Variants in PRORP observed in about 807,000 individuals in gnomAD.
PRORP encodes mitochondrial ribonuclease P catalytic subunit.
In PRORP, 51 loss-of-function variants were observed where a neutral mutation model predicts 59.4. That is an observed-to-expected ratio of 0.86 (90% CI 0.69 to 1.08). PRORP has a LOEUF of 1.08. Ranked by LOEUF, PRORP falls within the 50% of genes least tolerant of loss-of-function variation. The probability of loss-of-function intolerance (pLI) is 0.00; values close to 1 mark genes in which losing one functional copy is unlikely to be tolerated. For missense variants in PRORP, 646 were observed against 690.3 expected (o/e 0.94, Z 0.72); for synonymous variants, 231 against 245.6 (o/e 0.94, Z 0.55).
At chr14:35,229,800 T>C (rs771625256) in intron 5 of PRORP, among the ~76,000 whole-genome samples, 4 of 152,182 alleles carry the variant, frequency 2.6e-5, no homozygotes, top group Non-Finnish European at 5.9e-5. Context: ...TCACTGGATT[T>C]TTTTCAAACA....
intron 5 of PRORP, among the ~76,000 whole-genome samples, chr14:35,211,867 A>T (rs2049456545): frequency 6.6e-6 from 1 of 152,162 alleles, no homozygotes; most frequent in South Asian, 2.1e-4. Flanking sequence ...CTTTCACAAA[A>T]GATTTCTCTG....
intron 5 of PRORP, among the ~76,000 whole-genome samples, chr14:35,245,288 A>G (rs994332812): frequency 6.6e-6 from 1 of 152,102 alleles, no homozygotes; most frequent in Non-Finnish European, 1.5e-5. Flanking sequence ...GAGTATGGAA[A>G]CTCTAGACTA....
intron 5 of PRORP, among the ~76,000 whole-genome samples, chr14:35,260,641 CTAGATTGCA>C (rs2050879437): frequency 6.6e-6 from 1 of 152,356 alleles, no homozygotes; most frequent in Non-Finnish European, 1.5e-5. Context: ...TAACAGCCAT[CTAGATTGCA>C]TAGCAACAGT....
intron 5 of PRORP, among the ~76,000 whole-genome samples, chr14:35,210,996 C>T (rs1206484143): frequency 2.0e-5 from 3 of 151,982 alleles, no homozygotes; most frequent in African/African-American, 7.2e-5. Context: ...TGGTCTTAAA[C>T]TGCTGGGCTC....
At chr14:35,212,889 T>G (rs1169614427) in intron 5 of PRORP, among the ~76,000 whole-genome samples, 1 of 152,240 alleles carries the variant, frequency 6.6e-6, no homozygotes, top group African/African-American at 2.4e-5. Flanking sequence ...GAAGGCTTTT[T>G]TGTCTCCATT....
intron 4 of PRORP, among the ~76,000 whole-genome samples, chr14:35,164,795 C>T (rs2048143068): frequency 6.6e-6 from 1 of 152,098 alleles, no homozygotes; most frequent in South Asian, 2.1e-4. Flanking sequence ...AAAAATCCTT[C>T]ATTAGACATA....
intron 4 of PRORP, among the ~76,000 whole-genome samples, chr14:35,168,119 C>G (rs2048230542): frequency 1.3e-5 from 2 of 152,138 alleles, no homozygotes; most frequent in South Asian, 4.1e-4. Flanking sequence ...CTTACTTCTT[C>G]TGTGAATACT....
At chr14:35,156,528 A>T (rs929005416) in intron 4 of PRORP, among the ~76,000 whole-genome samples, 140 of 152,216 alleles carry the variant, frequency 9.2e-4, no homozygotes, top group Non-Finnish European at 2.6e-4. Flanking sequence ...ATTAGCAGAT[A>T]ACTCAGGTTG....
At chr14:35,187,060 T>G (rs527605593) in intron 5 of PRORP, among the ~76,000 whole-genome samples, 7 of 152,370 alleles carry the variant, frequency 4.6e-5, no homozygotes, top group Non-Finnish European at 8.8e-5. Context: ...TGTTCTGTAG[T>G]TGATGGACCT....
intron 2 of PRORP, among the ~76,000 whole-genome samples, chr14:35,124,914 C>T (rs2047059875): frequency 6.8e-6 from 1 of 148,034 alleles, no homozygotes; most frequent in Admixed American, 6.8e-5. Context: ...TGTTGCCAGG[C>T]TAGAGTGCAA....
intron 4 of PRORP, among the ~76,000 whole-genome samples, chr14:35,151,510 A>C (rs2047745269): frequency 6.6e-6 from 1 of 152,010 alleles, no homozygotes; most frequent in Non-Finnish European, 1.5e-5. Context: ...ATTCAGGTCA[A>C]AAAGGTCAGA....
chr14:35,194,136 A>G (rs1252570334), intron 5 of PRORP, among the ~76,000 whole-genome samples: 1 of 152,148 alleles, frequency 6.6e-6, no homozygotes, highest in Non-Finnish European at 1.5e-5. Context: ...TGAAAGAAAA[A>G]TGCTGCCATA....
chr14:35,270,821 C>T (rs2051167409), intron 7 of PRORP, among the ~76,000 whole-genome samples: 1 of 152,032 alleles, frequency 6.6e-6, no homozygotes, highest in Non-Finnish European at 1.5e-5. Flanking sequence ...CAGTGGCTCA[C>T]ACCTGTAATC....
intron 5 of PRORP, among the ~76,000 whole-genome samples, chr14:35,216,761 C>G (rs1331906147): frequency 6.6e-6 from 1 of 152,190 alleles, no homozygotes; most frequent in African/African-American, 2.4e-5. Context: ...TACATTCTCA[C>G]CAGCAGTATA....
intron 5 of PRORP, among the ~76,000 whole-genome samples, chr14:35,213,737 C>T (rs751301387): frequency 6.6e-6 from 1 of 152,158 alleles, no homozygotes; most frequent in Non-Finnish European, 1.5e-5. Context: ...CAACATTTAT[C>T]GATTAGATTC....
At chr14:35,262,259 G>T (rs781322255) in intron 5 of PRORP, among the ~76,000 whole-genome samples, 1 of 151,992 alleles carries the variant, frequency 6.6e-6, no homozygotes, top group Non-Finnish European at 1.5e-5. Flanking sequence ...CAGTCCTCCT[G>T]CCTCAGCATC....
chr14:35,169,293 GTT>G (rs1417958768), intron 4 of PRORP, among the ~76,000 whole-genome samples: 1 of 151,760 alleles, frequency 6.6e-6, no homozygotes, highest in Non-Finnish European at 1.5e-5. Context: ...ACTGCTAGTG[GTT>G]TTTTGTTTAA....
chr14:35,249,192 G>A (rs1361059263), intron 5 of PRORP, among the ~76,000 whole-genome samples: 4 of 152,118 alleles, frequency 2.6e-5, no homozygotes, highest in African/African-American at 9.7e-5. Context: ...CTCAAATCCA[G>A]CCAGACTCAA....
At position 35,276,928 on chromosome 14, in the gene PRORP, G is replaced by A. The variant is rs763179756; in HGVS notation, c.*3362G>A. ...GCTCTGTTGGGTCTACCTCATCTGA[G>A]GTGGCTTATTCTTCATAGGAAATTA... On this transcript the variant is annotated 3_prime_UTR_variant, in exon 8 of 8. Transcript: ENST00000534898. The A allele has an allele frequency of 2.0e-5, 3 of 152,144 alleles. No homozygotes were observed. Among genetic ancestry groups the A allele is most frequent in the Non-Finnish European group, 2.9e-5 (2 of 68,032 alleles). The allele number at this position is 152,144 out of a possible 1,614,324, so 9.4% of individuals were successfully genotyped here.
Sources: gnomAD v4.1 joint callset for allele counts (sites outside exome capture counted in the v4.1 genomes callset) on GRCh38, gnomAD v4.1.1 for gene constraint, MANE v1.5 for transcripts, NCBI Gene and HGNC (gene_info 2026-07-23, HGNC 2026-07-21) for gene names.